The following RAD51B variants were observed in gnomAD, a reference collection of about 807,000 sequenced individuals.
RAD51B encodes the protein DNA repair protein RAD51 homolog 2.
A neutral mutation model predicts 42.2 loss-of-function variants in RAD51B; 38 were observed. The ratio of observed to expected loss-of-function variants is 0.90; its 90% CI spans 0.70 to 1.18. The LOEUF (loss-of-function observed/expected upper bound fraction) is 1.18. Ranked by LOEUF, RAD51B falls within the 50% of genes most tolerant of loss-of-function variation. The pLI, the probability that RAD51B is intolerant of heterozygous loss-of-function variation, is 0.00. For missense variants in RAD51B, 373 were observed against 400.7 expected, an observed-to-expected ratio of 0.93 and a Z score of 0.59; for synonymous variants, 154 against 145.2, an observed-to-expected ratio of 1.06 and a Z score of -0.43.
intron 7 of RAD51B, among the ~76,000 whole-genome samples, chr14:68,032,319 ACT>A (rs376371622): frequency 3.3e-5 from 5 of 149,668 alleles, no homozygotes; most frequent in Non-Finnish European, 4.5e-5. Flanking sequence ...AGTATTTAGC[ACT>A]CTCTCTCTCT....
At chr14:68,175,335 A>G (rs888031938) in intron 7 of RAD51B, among the ~76,000 whole-genome samples, 5 of 152,224 alleles carry the variant, frequency 3.3e-5, no homozygotes, top group East Asian at 1.9e-4. Context: ...TAAGCAGAGC[A>G]ATTTAAGTAC....
intron 10 of RAD51B, among the ~76,000 whole-genome samples, chr14:68,605,636 A>G (rs553504333): frequency 6.6e-6 from 1 of 152,132 alleles, no homozygotes; most frequent in East Asian, 1.9e-4. Flanking sequence ...CTCTTCTCAT[A>G]AGGACAGTAG....
intron 7 of RAD51B, among the ~76,000 whole-genome samples, chr14:67,910,126 C>T (rs2043919225): frequency 6.6e-6 from 1 of 151,890 alleles, no homozygotes; most frequent in Admixed American, 6.6e-5. Context: ...AGCCTTTGGC[C>T]CATTTTCAAA....
chr14:67,825,401 C>T, intron 2 of RAD51B, 63 bp from the exon 3 acceptor site: 1 of 1,186,410 alleles, frequency 8.4e-7, no homozygotes, highest in Non-Finnish European at 1.2e-6. Flanking sequence ...TGAAGGTTTC[C>T]TTTTAACTCT....
intron 8 of RAD51B, among the ~76,000 whole-genome samples, chr14:68,397,477 T>C (rs550095170): frequency 6.6e-6 from 1 of 152,322 alleles, no homozygotes; most frequent in East Asian, 1.9e-4. Flanking sequence ...TGGGACATGC[T>C]TGTGAAGAGA....
intron 11 of RAD51B, among the ~76,000 whole-genome samples, chr14:68,677,931 A>G (rs1386527804): frequency 6.6e-6 from 1 of 151,480 alleles, no homozygotes; most frequent in African/African-American, 2.4e-5. Context: ...TTTTCCCCCT[A>G]CCCAAATGCT....
At chr14:68,237,470 A>T (rs948656851) in intron 7 of RAD51B, among the ~76,000 whole-genome samples, 4 of 152,156 alleles carry the variant, frequency 2.6e-5, no homozygotes, top group African/African-American at 9.7e-5. Context: ...AAAATGTCCA[A>T]TTGAGTAATT....
At position 67,976,798 on chromosome 14, in the gene RAD51B, A is replaced by G. The variant is rs541995892; in HGVS notation, c.756+89594A>G. On this transcript the variant is annotated intron_variant, in intron 7 of 10. Transcript: ENST00000471583. ...CAGGCATCGTACAGAATGGGAGAAA[A>G]TTTTTGCAACCTACTCATCTGACAG... Among the ~76,000 whole-genome samples, 18 of 152,298 alleles carry G rather than the reference A, an allele frequency of 1.2e-4. No homozygotes were observed. In the South Asian group the frequency reaches 3.7e-3, roughly 32 times the overall value.
chr14:68,468,693 T>G (rs1354816929), intron 10 of RAD51B: 1 of 315,932 alleles, frequency 3.2e-6, no homozygotes, highest in Admixed American at 4.2e-5. Context: ...CATGGCTCCA[T>G]GAGCCCTACT....
intron 10 of RAD51B, among the ~76,000 whole-genome samples, chr14:68,494,751 G>A (rs1342188659): frequency 6.6e-6 from 1 of 152,120 alleles, no homozygotes; most frequent in Non-Finnish European, 1.5e-5. Context: ...CTCCCAAGAA[G>A]GGTCGTGTTC....
At chr14:68,332,306 C>T (rs944607340) in intron 8 of RAD51B, among the ~76,000 whole-genome samples, 4 of 152,188 alleles carry the variant, frequency 2.6e-5, no homozygotes, top group African/African-American at 7.2e-5. Flanking sequence ...TACACACACA[C>T]ACACATGTAT....
intron 11 of RAD51B, among the ~76,000 whole-genome samples, chr14:68,656,495 G>A (rs1892818365): frequency 6.6e-6 from 1 of 152,116 alleles, no homozygotes; most frequent in Non-Finnish European, 1.5e-5. Context: ...GCTGTGTGCT[G>A]CCAGAGATTG....
chr14:68,459,002 T>C (rs2085774631), intron 9 of RAD51B, among the ~76,000 whole-genome samples: 1 of 152,174 alleles, frequency 6.6e-6, no homozygotes, highest in Admixed American at 6.5e-5. Context: ...ATTTTCCAAG[T>C]GATGAAGCAG....
At chr14:68,191,697 A>G (rs534157201) in intron 7 of RAD51B, among the ~76,000 whole-genome samples, 1 of 152,320 alleles carries the variant, frequency 6.6e-6, no homozygotes, top group African/African-American at 2.4e-5. Context: ...CTTTGGTCTT[A>G]GCCTGTAAAT....
chr14:68,352,154 A>G (rs1046184133), intron 8 of RAD51B, among the ~76,000 whole-genome samples: 1 of 152,236 alleles, frequency 6.6e-6, no homozygotes, highest in African/African-American at 2.4e-5. Context: ...GTGATAATTG[A>G]GCCATAAAAG....
chr14:68,360,618 G>A (rs569677237), intron 8 of RAD51B, among the ~76,000 whole-genome samples: 1 of 152,338 alleles, frequency 6.6e-6, no homozygotes, highest in Admixed American at 6.5e-5. Flanking sequence ...TAGAGATGAG[G>A]AAATTGGGAC....
chr14:68,246,894 G>T (rs1402099851), intron 7 of RAD51B, among the ~76,000 whole-genome samples: 4 of 152,186 alleles, frequency 2.6e-5, no homozygotes, highest in Non-Finnish European at 5.9e-5. Flanking sequence ...TTAGCCCGCA[G>T]TGGTTTCTGA....
intron 7 of RAD51B, among the ~76,000 whole-genome samples, chr14:68,152,758 C>G (rs925047914): frequency 5.3e-5 from 8 of 150,232 alleles, no homozygotes; most frequent in South Asian, 2.1e-4. Flanking sequence ...TCCTCCCACT[C>G]TCTTCCTTCA....
At position 68,012,374 on chromosome 14, in the gene RAD51B, C is replaced by T. The variant is rs2075698760; in HGVS notation, c.756+125170C>T. On this transcript the variant is annotated intron_variant, in intron 7 of 10. Coordinates refer to ENST00000471583, the MANE Select transcript of RAD51B (RefSeq NM_133510.4). Reference sequence around the variant, plus strand: ...GCACAGCGTGTTATTGTAGCACTCACAAGTTAAGAATGGGTTTATAGTTTT... The same window carrying T: ...GCACAGCGTGTTATTGTAGCACTCATAAGTTAAGAATGGGTTTATAGTTTT... 2.0e-5 allele frequency among the ~76,000 whole-genome samples: 3 copies of T among 151,938 alleles called. No homozygotes were observed. In the South Asian group the frequency reaches 6.2e-4, roughly 31 times the overall value.
Sources: allele counts gnomAD v4.1 joint callset (sites outside exome capture counted in the v4.1 genomes callset), GRCh38; gene constraint gnomAD v4.1.1; transcripts MANE v1.5; gene names NCBI Gene and HGNC (gene_info 2026-07-23, HGNC 2026-07-21).